The following NLGN1 variants were observed in gnomAD, a reference collection of about 807,000 sequenced individuals.
The protein encoded by NLGN1 is neuroligin 1.
In NLGN1, 12 loss-of-function variants were observed where a neutral mutation model predicts 65.5. That is an observed-to-expected ratio of 0.18 (90% CI 0.12 to 0.30). The LOEUF is 0.30. Ranked by LOEUF, NLGN1 falls within the 10% of genes least tolerant of loss-of-function variation. The pLI is 1.00. For missense variants in NLGN1, 750 were observed against 1,007.1 expected (o/e 0.74, Z 3.46); for synonymous variants, 350 against 359.5 (o/e 0.97, Z 0.30).
At chr3:174,123,579 T>C (rs1718231828) in intron 4 of NLGN1, among the ~76,000 whole-genome samples, 1 of 152,124 alleles carries the variant, frequency 6.6e-6, no homozygotes, top group Admixed American at 6.6e-5. Context: ...GTATTATCTT[T>C]CTGTGGAAGT....
chr3:174,000,368 AT>A (rs1723044981), intron 4 of NLGN1, among the ~76,000 whole-genome samples: 1 of 152,164 alleles, frequency 6.6e-6, no homozygotes, highest in African/African-American at 2.4e-5. Context: ...TTTATAAGAA[AT>A]AATTAATTTA....
At chr3:173,553,854 GC>G in intron 2 of NLGN1, among the ~76,000 whole-genome samples, 1 of 152,176 alleles carries the variant, frequency 6.6e-6, no homozygotes, top group Non-Finnish European at 1.5e-5. Flanking sequence ...TACTCATTGA[GC>G]CCTCTGCTGG....
intron 4 of NLGN1, among the ~76,000 whole-genome samples, chr3:173,839,197 T>A (rs2150661581): frequency 6.6e-6 from 1 of 152,152 alleles, no homozygotes; most frequent in South Asian, 2.1e-4. Flanking sequence ...CTTAATTTGT[T>A]AAATTTATGT....
intron 4 of NLGN1, among the ~76,000 whole-genome samples, chr3:173,917,040 T>G (rs898663870): frequency 2.0e-5 from 3 of 152,070 alleles, no homozygotes; most frequent in Non-Finnish European, 4.4e-5. Flanking sequence ...GAGAATAACA[T>G]AGAAAGGGAA....
intron 3 of NLGN1, among the ~76,000 whole-genome samples, chr3:173,607,383 A>C (rs1751554830): frequency 6.6e-6 from 1 of 151,844 alleles, no homozygotes; most frequent in Admixed American, 6.6e-5. Flanking sequence ...CATTCTAAAA[A>C]TCATTTTGGC....
chr3:173,622,393 C>G (rs548537122), intron 3 of NLGN1, among the ~76,000 whole-genome samples: 114 of 152,104 alleles, frequency 7.5e-4, no homozygotes, highest in African/African-American at 2.6e-3. Flanking sequence ...GAGACTCATA[C>G]ACCTAGATCA....
chr3:173,710,240 A>G (rs1439901652), intron 3 of NLGN1, among the ~76,000 whole-genome samples: 1 of 152,224 alleles, frequency 6.6e-6, no homozygotes. Context: ...CCAGTAAGGT[A>G]TTCAGTTTGT....
At chr3:174,292,479 A>C in the NLGN1 span, among the ~76,000 whole-genome samples, 1 of 151,130 alleles carries the variant, frequency 6.6e-6, no homozygotes, top group African/African-American at 2.4e-5. Context: ...ATTAATTGAA[A>C]ATAAATCCAA....
At chr3:173,664,333 A>G (rs1341124734) in intron 3 of NLGN1, among the ~76,000 whole-genome samples, 2 of 152,106 alleles carry the variant, frequency 1.3e-5, no homozygotes, top group African/African-American at 2.4e-5. Context: ...AACAGATTGT[A>G]TCTACCATCT....
intron 4 of NLGN1, among the ~76,000 whole-genome samples, chr3:173,829,782 C>A (rs935858972): frequency 6.6e-6 from 1 of 152,290 alleles, no homozygotes; most frequent in East Asian, 1.9e-4. Flanking sequence ...CTTTCATTCA[C>A]ATTTTTGCTG....
chr3:173,825,643 A>G (rs1047919351), intron 4 of NLGN1, among the ~76,000 whole-genome samples: 1 of 152,088 alleles, frequency 6.6e-6, no homozygotes, highest in Admixed American at 6.6e-5. Flanking sequence ...CTTTATTTAC[A>G]TGGTAGTTGA....
At chr3:173,552,225 C>T (rs1297374538) in intron 2 of NLGN1, among the ~76,000 whole-genome samples, 1 of 152,110 alleles carries the variant, frequency 6.6e-6, no homozygotes, top group Non-Finnish European at 1.5e-5. Context: ...GAGCTGACCA[C>T]TGGGGAGGAG....
intron 2 of NLGN1, among the ~76,000 whole-genome samples, chr3:173,566,829 G>A (rs1350989048): frequency 2.6e-5 from 4 of 151,970 alleles, no homozygotes; most frequent in Non-Finnish European, 5.9e-5. Context: ...TACATAGTAT[G>A]TCTTCAAATT....
intron 4 of NLGN1, among the ~76,000 whole-genome samples, chr3:174,270,779 G>T (rs1749249699): frequency 6.6e-6 from 1 of 151,796 alleles, no homozygotes; most frequent in East Asian, 1.9e-4. Context: ...ACTGAACATG[G>T]CAACTGAAAA....
intron 2 of NLGN1, among the ~76,000 whole-genome samples, chr3:173,436,646 A>G (rs1157295937): frequency 6.6e-6 from 1 of 152,164 alleles, no homozygotes; most frequent in Admixed American, 6.5e-5. Context: ...TGCCTTGAGA[A>G]GCTAACCTTG....
chr3:173,719,588 A>G (rs2149995366), intron 3 of NLGN1, among the ~76,000 whole-genome samples: 1 of 152,280 alleles, frequency 6.6e-6, no homozygotes, highest in South Asian at 2.1e-4. Context: ...GGCACTGTTA[A>G]AAAGATTTGG....
chr3:173,419,784 C>G (rs1253238911), intron 1 of NLGN1, among the ~76,000 whole-genome samples: 2 of 152,060 alleles, frequency 1.3e-5, no homozygotes, highest in Non-Finnish European at 2.9e-5. Context: ...TCCTGGCCAA[C>G]ATGGTGAAAC....
intron 4 of NLGN1, among the ~76,000 whole-genome samples, chr3:174,028,448 A>C (rs549906840): frequency 1.3e-3 from 197 of 152,374 alleles, no homozygotes; most frequent in African/African-American, 4.5e-3. Flanking sequence ...TTTAACAAAC[A>C]GACTGGTGGC....
At chr3:174,101,341 G>A (rs1219590970) in intron 4 of NLGN1, among the ~76,000 whole-genome samples, 1 of 152,126 alleles carries the variant, frequency 6.6e-6, no homozygotes, top group African/African-American at 2.4e-5. Context: ...ATTGTATAAG[G>A]TGTTTGAGGA....
Sources: allele counts gnomAD v4.1 joint callset (sites outside exome capture counted in the v4.1 genomes callset), GRCh38; gene constraint gnomAD v4.1.1; transcripts MANE v1.5; gene names NCBI Gene and HGNC (gene_info 2026-07-23, HGNC 2026-07-21).